The following CIMIP4 variants were observed in gnomAD, a reference collection of about 807,000 sequenced individuals.
CIMIP4 encodes the protein protein EAN57.
the CIMIP4 span, among the ~76,000 whole-genome samples, chr22:37,000,527 C>T: frequency 6.6e-6 from 1 of 152,180 alleles, no homozygotes; most frequent in Non-Finnish European, 1.5e-5. Flanking sequence ...GTTTGAGTTC[C>T]AGTTCTGCAA....
the CIMIP4 span, among the ~76,000 whole-genome samples, chr22:36,999,539 A>G: frequency 1.5e-4 from 3 of 20,044 alleles, no homozygotes; most frequent in Non-Finnish European, 2.3e-4. Context: ...AGGGGAGGGG[A>G]GGGGAGGGGA....
chr22:37,000,064 C>T, the CIMIP4 span: 2 of 1,519,310 alleles, frequency 1.3e-6, no homozygotes, highest in Non-Finnish European at 8.8e-7. Context: ...CTCCTCCTCC[C>T]TTGACCCTGC....
At chr22:36,996,137 G>GA in the CIMIP4 span, among the ~76,000 whole-genome samples, 30,413 of 149,806 alleles carry the variant, frequency 0.2, 3,397 homozygotes, top group East Asian at 0.53. Flanking sequence ...TTTTTATCTG[G>GA]AAAAAAAAAT....
chr22:37,002,813 T>A, the CIMIP4 span, among the ~76,000 whole-genome samples: 1 of 152,160 alleles, frequency 6.6e-6, no homozygotes, highest in African/African-American at 2.4e-5. Flanking sequence ...TGGATGGGAC[T>A]TCCAGACTTT....
the CIMIP4 span, among the ~76,000 whole-genome samples, chr22:37,002,716 C>T: frequency 6.6e-6 from 1 of 152,216 alleles, no homozygotes; most frequent in Non-Finnish European, 1.5e-5. Flanking sequence ...AAACCTCCCC[C>T]TCACTCTCCG....
chr22:37,005,522 A>G, the CIMIP4 span, among the ~76,000 whole-genome samples: 1 of 151,334 alleles, frequency 6.6e-6, no homozygotes, highest in Non-Finnish European at 1.5e-5. Flanking sequence ...TTTGAGAAGC[A>G]TGATAGAAAA....
the CIMIP4 span, among the ~76,000 whole-genome samples, chr22:36,993,023 T>G: frequency 6.7e-6 from 1 of 149,822 alleles, no homozygotes; most frequent in Non-Finnish European, 1.5e-5. Flanking sequence ...TTTCTTTTTT[T>G]TTTTTTTGAG....
the CIMIP4 span, among the ~76,000 whole-genome samples, chr22:36,997,391 G>A: frequency 6.6e-6 from 1 of 152,164 alleles, no homozygotes; most frequent in African/African-American, 2.4e-5. Flanking sequence ...AGGTCAAAAC[G>A]TTGAAGTCAA....
chr22:37,004,370 TCTC>T, the CIMIP4 span, among the ~76,000 whole-genome samples: 277 of 151,962 alleles, frequency 1.8e-3, 1 homozygote, highest in African/African-American at 6.3e-3. Flanking sequence ...TTTCCTTTCA[TCTC>T]CTCCTCCTCT....
chr22:36,991,168 C>A, the CIMIP4 span: 1 of 1,612,012 alleles, frequency 6.2e-7, no homozygotes, highest in Non-Finnish European at 8.5e-7. Flanking sequence ...GACACCTCTA[C>A]TGTGTCAAAA....
chr22:37,003,439 G>A, the CIMIP4 span, among the ~76,000 whole-genome samples: 7 of 152,236 alleles, frequency 4.6e-5, no homozygotes, highest in South Asian at 2.1e-4. Context: ...ACTCAGTCAC[G>A]CCTGCATCAA....
At chr22:37,001,928 G>A in the CIMIP4 span, 381 of 1,613,658 alleles carry the variant, frequency 2.4e-4, 2 homozygotes, top group Middle Eastern at 5.0e-3. Flanking sequence ...GTTCGTGGGC[G>A]TGCTCCTCTG....
the CIMIP4 span, among the ~76,000 whole-genome samples, chr22:37,003,618 A>G: frequency 6.6e-6 from 1 of 152,048 alleles, no homozygotes; most frequent in African/African-American, 2.4e-5. Flanking sequence ...GTAACCCCAT[A>G]TATACCTCCC....
the CIMIP4 span, chr22:37,002,313 A>G: frequency 2.4e-5 from 32 of 1,346,604 alleles, no homozygotes; most frequent in South Asian, 6.7e-4. Context: ...CCTGAGCAGG[A>G]CAAAGAGAAA....
At chr22:37,006,467 C>T in the CIMIP4 span, among the ~76,000 whole-genome samples, 2 of 152,192 alleles carry the variant, frequency 1.3e-5, no homozygotes, top group African/African-American at 4.8e-5. Context: ...ATGCCTATCA[C>T]ATCACTGTAT....
the CIMIP4 span, chr22:36,991,735 T>C: frequency 5.7e-6 from 4 of 698,548 alleles, no homozygotes; most frequent in Non-Finnish European, 9.7e-6. Flanking sequence ...GTAAAGTCGT[T>C]TGGGTTCAAA....
chr22:37,002,228 T>C, the CIMIP4 span: 2 of 1,458,334 alleles, frequency 1.4e-6, no homozygotes, highest in Admixed American at 5.6e-5. Context: ...CAAGGAACTG[T>C]AGGCCGCTTT....
At chr22:36,991,650 T>C in the CIMIP4 span, 109 of 1,330,442 alleles carry the variant, frequency 8.2e-5, no homozygotes, top group Middle Eastern at 3.7e-4. Context: ...GGGTACTCCA[T>C]GGCTTATATT....
the CIMIP4 span, among the ~76,000 whole-genome samples, chr22:37,005,596 A>T: frequency 0.44 from 66,398 of 150,574 alleles, 14,761 homozygotes; most frequent in East Asian, 0.53. Flanking sequence ...TGGAAGATGC[A>T]GTGAGTGAGG....
Sources: allele counts gnomAD v4.1 joint callset (sites outside exome capture counted in the v4.1 genomes callset), GRCh38; gene constraint gnomAD v4.1.1; transcripts MANE v1.5; gene names NCBI Gene and HGNC (gene_info 2026-07-23, HGNC 2026-07-21).